The following MRTFB variants were observed in gnomAD, a reference collection of about 807,000 sequenced individuals.
MRTFB encodes myocardin-related transcription factor B.
Under a neutral mutation model 104.2 loss-of-function variants are expected in MRTFB, and 29 were observed. That is an observed-to-expected ratio of 0.28 (90% CI 0.21 to 0.38). MRTFB has a LOEUF of 0.38. Ranked by LOEUF, MRTFB falls within the 10% of genes least tolerant of loss-of-function variation. The pLI is 1.00. For missense variants in MRTFB, 1,270 were observed against 1,341.6 expected (o/e 0.95, Z 0.83); for synonymous variants, 535 against 519.5 (o/e 1.03, Z -0.41).
At chr16:14,144,783 A>G (rs1350098297) in intron 3 of MRTFB, 1 of 151,674 alleles carries the variant, frequency 6.6e-6, no homozygotes, top group East Asian at 1.9e-4. Flanking sequence ...CCCCGTCTCT[A>G]CTAAAAATAC....
intron 9 of MRTFB, among the ~76,000 whole-genome samples, chr16:14,234,824 G>T (rs1016931018): frequency 3.9e-5 from 6 of 152,100 alleles, no homozygotes; most frequent in African/African-American, 1.2e-4. Context: ...AACTACTGGG[G>T]CTACGCAGAA....
chr16:14,246,825 T>G lies in MRTFB; in HGVS notation c.1565T>G (p.Met522Arg), dbSNP rs533601723. ...AGTCTCAGTACTGATGACACAAACA[T>G]GGCAGACACTTTCACCGAGATTATG... ...QSSLSTDDTN[M>R]ADTFTEIMTM... The change falls in exon 12 of 17, where the codon ATG (methionine) becomes AGG (arginine). Residue 522 changes from methionine to arginine, a missense_variant. This residue lies in a region of MRTFB where 1,144 missense variants were observed against 1,131.5 expected (regional missense o/e 1.01). Transcript: ENST00000571589. 4 of 1,612,596 alleles carry G rather than the reference T, an allele frequency of 2.5e-6. No individual in the cohort carries two copies. The highest frequency in any genetic ancestry group is 1.3e-5 in the African/African-American group (1 of 74,870).
chr16:14,202,119 CAAAA>C (rs57738397), intron 3 of MRTFB, among the ~76,000 whole-genome samples: 2 of 105,210 alleles, frequency 1.9e-5, no homozygotes. Context: ...GTTTACAAGG[CAAAA>C]AAAAAAAAAA....
chr16:14,085,457 C>CAAA lies in MRTFB; in HGVS notation c.-64+6119_-64+6121dup, dbSNP rs386384321. ...GGGCAATAAGAGTGAAATTCCATCT[C>CAAA]AAAAAAAAAAAAAAAAAAGCGAAAA... is the stretch of plus-strand genomic sequence containing the variant. On this transcript the variant is annotated intron_variant, in intron 2 of 16. Coordinates refer to ENST00000571589, the MANE Select transcript of MRTFB (RefSeq NM_001308142.2). 4.5e-3 allele frequency among the ~76,000 whole-genome samples: 279 copies of CAAA among 61,836 alleles called. 5 individuals are homozygous for CAAA. The highest frequency in any genetic ancestry group is 0.013 in the African/African-American group (251 of 20,028). 40.6% of individuals were successfully genotyped at this position (61,836 alleles called of 152,430 possible).
At chr16:14,141,225 A>G (rs2037981058) in intron 3 of MRTFB, 1 of 157,708 alleles carries the variant, frequency 6.3e-6, no homozygotes, top group Non-Finnish European at 1.4e-5. Context: ...ATTAATGGGT[A>G]TTGGATATAG....
intron 13 of MRTFB, among the ~76,000 whole-genome samples, chr16:14,250,425 A>G (rs779058305): frequency 1.3e-5 from 2 of 152,340 alleles, no homozygotes; most frequent in Non-Finnish European, 2.9e-5. Flanking sequence ...GTGGCTCTTG[A>G]TGGAGGTGCT....
chr16:14,168,779 C>G (rs1463376571), intron 3 of MRTFB, among the ~76,000 whole-genome samples: 1 of 152,142 alleles, frequency 6.6e-6, no homozygotes, highest in Non-Finnish European at 1.5e-5. Flanking sequence ...AGTCTGCATG[C>G]CCTTTTCAAA....
chr16:14,260,339 G>A (rs1384840237), intron 16 of MRTFB, among the ~76,000 whole-genome samples: 1 of 147,670 alleles, frequency 6.8e-6, no homozygotes, highest in Non-Finnish European at 1.5e-5. Flanking sequence ...TGGGTACCCA[G>A]TCCAACTGTA....
At chr16:14,014,986 A>C in the MRTFB span, among the ~76,000 whole-genome samples, 1 of 152,174 alleles carries the variant, frequency 6.6e-6, no homozygotes, top group African/African-American at 2.4e-5. Flanking sequence ...TTTAAATAGA[A>C]AGTACATCTT....
the MRTFB span, among the ~76,000 whole-genome samples, chr16:14,039,901 A>G: frequency 6.6e-6 from 1 of 151,880 alleles, no homozygotes; most frequent in African/African-American, 2.4e-5. Flanking sequence ...GGCATGCACC[A>G]CCACGCCTGT....
chr16:14,107,480 A>G (rs764628212), intron 2 of MRTFB, among the ~76,000 whole-genome samples: 1 of 152,188 alleles, frequency 6.6e-6, no homozygotes, highest in Non-Finnish European at 1.5e-5. Context: ...TATTATTTCC[A>G]GACAATAGTT....
chr16:14,144,493 A>G lies in MRTFB; in HGVS notation c.154+3733A>G, dbSNP rs908026872. The G allele has an allele frequency of 2.0e-5, 3 of 152,196 alleles. No homozygotes were observed. In the East Asian group the frequency reaches 5.8e-4, roughly 29 times the overall value. 9.4% of individuals were successfully genotyped at this position (152,196 alleles called of 1,614,324 possible). A position where few individuals can be genotyped will look rare whatever the true frequency, so the allele number is the denominator to read the frequency against. On this transcript the variant is annotated intron_variant, in intron 3 of 16. Transcript: ENST00000571589. ...TAAGAGATCTATTGCAAAACATGGT[A>G]GCCAAGGTTAATAACAATGTATTGT... is the stretch of plus-strand genomic sequence containing the variant.
At chr16:14,082,683 G>T (rs904906775) in intron 2 of MRTFB, among the ~76,000 whole-genome samples, 10 of 152,166 alleles carry the variant, frequency 6.6e-5, no homozygotes, top group African/African-American at 2.4e-4. Context: ...AGGAGGCTAA[G>T]GTGGAAGGAT....
intron 2 of MRTFB, among the ~76,000 whole-genome samples, chr16:14,092,016 A>G (rs971770270): frequency 7.1e-5 from 10 of 141,042 alleles, no homozygotes; most frequent in Non-Finnish European, 1.5e-4. Flanking sequence ...AAAAAAAAAA[A>G]AAAAAGAATG....
At chr16:14,210,583 T>G (rs2041150582) in intron 4 of MRTFB, among the ~76,000 whole-genome samples, 1 of 152,232 alleles carries the variant, frequency 6.6e-6, no homozygotes, top group Non-Finnish European at 1.5e-5. Flanking sequence ...CTTTAAACTT[T>G]AATATTTGTT....
chr16:14,232,703 G>A (rs1165375173), intron 8 of MRTFB, among the ~76,000 whole-genome samples: 1 of 152,216 alleles, frequency 6.6e-6, no homozygotes, highest in Non-Finnish European at 1.5e-5. Context: ...AGCGGGGCTT[G>A]AGAACGTGAC....
chr16:14,251,975 A>T lies in MRTFB; in HGVS notation c.2517A>T (p.Arg839Ser). Residue 839 changes from arginine (R) to serine (S), a missense_variant, in exon 14 of 17, where the codon AGA becomes AGT. Transcript: ENST00000571589. ...CCTCCAACAGTGTTCTTCAATCCAG[A>T]AATGCTCCGCTTCCATCCCTGCAAA... is the stretch of plus-strand genomic sequence containing the variant. The part of the protein sequence containing the change: ...NKASNSVLQS[R>S]NAPLPSLQNG... 1 of 1,614,196 alleles carries T rather than the reference A, an allele frequency of 6.2e-7. No individual in the cohort carries two copies. The highest frequency in any genetic ancestry group is 1.1e-5 in the South Asian group (1 of 91,076).
At chr16:14,026,937 C>G in the MRTFB span, among the ~76,000 whole-genome samples, 2 of 152,246 alleles carry the variant, frequency 1.3e-5, no homozygotes, top group Non-Finnish European at 2.9e-5. Context: ...CTGGATATCT[C>G]AGGCATTGCT....
chr16:14,039,696 A>G, the MRTFB span, among the ~76,000 whole-genome samples: 1 of 150,622 alleles, frequency 6.6e-6, no homozygotes, highest in Non-Finnish European at 1.5e-5. Flanking sequence ...CTTTTAATTT[A>G]CACTTGTGAT....
Sources: gnomAD v4.1 joint callset for allele counts (sites outside exome capture counted in the v4.1 genomes callset) on GRCh38, gnomAD v4.1.1 for gene constraint, gnomAD v4.1.1 regional missense constraint, MANE v1.5 for transcripts, NCBI Gene and HGNC (gene_info 2026-07-23, HGNC 2026-07-21) for gene names.